ATP8B4: variants seen among roughly 807,000 people sequenced by gnomAD.
ATP8B4 encodes probable phospholipid-transporting ATPase IM.
ATP8B4 carries 133 observed loss-of-function variants against 145.6 expected under a neutral mutation model. The observed-to-expected ratio is 0.91, with a 90% CI of 0.79 to 1.05. The LOEUF is 1.05. Ranked by LOEUF, ATP8B4 falls within the 50% of genes least tolerant of loss-of-function variation. The probability of loss-of-function intolerance (pLI) is 0.00; values close to 1 mark genes in which losing one functional copy is unlikely to be tolerated. For synonymous variants in ATP8B4, 507 were observed against 492.9 expected, an observed-to-expected ratio of 1.03 and a Z score of -0.38; for missense variants, 1,458 against 1,425.2, an observed-to-expected ratio of 1.02 and a Z score of -0.37.
intron 2 of ATP8B4, among the ~76,000 whole-genome samples, chr15:50,076,680 C>CTG (rs2054199551): frequency 6.6e-6 from 1 of 152,068 alleles, no homozygotes; most frequent in Admixed American, 6.6e-5. Flanking sequence ...CCAGGAAGCC[C>CTG]ACTTTTGTTT....
chr15:49,939,569 G>T (rs2042002972), intron 14 of ATP8B4, among the ~76,000 whole-genome samples: 1 of 152,068 alleles, frequency 6.6e-6, no homozygotes, highest in South Asian at 2.1e-4. Flanking sequence ...TTGAAACCTT[G>T]AACAGACCAA....
At chr15:50,058,017 A>AGAG (rs1567280511) in intron 3 of ATP8B4, among the ~76,000 whole-genome samples, 5 of 152,024 alleles carry the variant, frequency 3.3e-5, no homozygotes, top group African/African-American at 1.2e-4. Flanking sequence ...GAGAGAGAGA[A>AGAG]AAAGACCTAG....
intron 16 of ATP8B4, among the ~76,000 whole-genome samples, chr15:49,928,142 A>G (rs974574220): frequency 3.3e-5 from 5 of 152,188 alleles, no homozygotes; most frequent in African/African-American, 1.2e-4. Context: ...ACTAAGGTAC[A>G]GCACTTGCCT....
intron 14 of ATP8B4, among the ~76,000 whole-genome samples, chr15:49,959,613 T>C (rs1278040467): frequency 6.6e-6 from 1 of 152,126 alleles, no homozygotes; most frequent in African/African-American, 2.4e-5. Context: ...GAAAATATAG[T>C]AAGACAGTGT....
chr15:49,958,931 C>G (rs1332547718), intron 14 of ATP8B4, among the ~76,000 whole-genome samples: 1 of 151,616 alleles, frequency 6.6e-6, no homozygotes, highest in Non-Finnish European at 1.5e-5. Context: ...ATAAACTGTC[C>G]CACAGAATAC....
intron 26 of ATP8B4, among the ~76,000 whole-genome samples, chr15:49,865,442 G>A (rs1334330980): frequency 6.6e-6 from 1 of 152,216 alleles, no homozygotes; most frequent in Non-Finnish European, 1.5e-5. Flanking sequence ...CCAGGGAGGG[G>A]GTTGGGGGGA....
chr15:50,142,711 A>G (rs8041124), intron 1 of ATP8B4, among the ~76,000 whole-genome samples: 35,204 of 152,092 alleles, frequency 0.23, 4,693 homozygotes, highest in East Asian at 0.42. Context: ...AATAAAAATC[A>G]TAGCATTTAC....
upstream of ATP8B4, among the ~76,000 whole-genome samples, chr15:50,121,680 A>G (rs1359346087): frequency 6.6e-6 from 1 of 152,114 alleles, no homozygotes; most frequent in Admixed American, 6.6e-5. Context: ...AAAACCTTTT[A>G]TTCCCATTAT....
intron 2 of ATP8B4, among the ~76,000 whole-genome samples, chr15:50,087,271 TATATA>T (rs2055247150): frequency 7.3e-6 from 1 of 136,484 alleles, no homozygotes; most frequent in Non-Finnish European, 1.5e-5. Context: ...ATATGTATTA[TATATA>T]ATAGAATAAT....
intron 1 of ATP8B4, among the ~76,000 whole-genome samples, chr15:50,168,157 G>T (rs980811664): frequency 6.6e-6 from 1 of 152,316 alleles, no homozygotes; most frequent in East Asian, 1.9e-4. Flanking sequence ...AAGTAGTAAA[G>T]AATTAACCAA....
At chr15:50,159,960 G>T (rs988510854) in intron 1 of ATP8B4, among the ~76,000 whole-genome samples, 1 of 145,808 alleles carries the variant, frequency 6.9e-6, no homozygotes, top group Non-Finnish European at 1.5e-5. Context: ...AGTTTGAGTC[G>T]GATTGATATT....
At chr15:50,084,944 A>G (rs888585455) in intron 2 of ATP8B4, among the ~76,000 whole-genome samples, 3 of 152,076 alleles carry the variant, frequency 2.0e-5, no homozygotes, top group African/African-American at 7.2e-5. Flanking sequence ...CACATCCACA[A>G]AGTTCCTTTT....
intron 6 of ATP8B4, among the ~76,000 whole-genome samples, chr15:50,022,427 C>T (rs558896991): frequency 3.9e-5 from 6 of 152,270 alleles, no homozygotes; most frequent in South Asian, 2.1e-4. Context: ...AGAAATGCTA[C>T]GTTAATCATC....
chr15:50,080,790 T>C (rs2054494397), intron 2 of ATP8B4, among the ~76,000 whole-genome samples: 1 of 152,050 alleles, frequency 6.6e-6, no homozygotes, highest in Non-Finnish European at 1.5e-5. Flanking sequence ...GGAAGATTTT[T>C]AGGACCCATA....
chr15:50,175,697 C>T (rs918751382), intron 1 of ATP8B4, among the ~76,000 whole-genome samples: 1 of 151,922 alleles, frequency 6.6e-6, no homozygotes, highest in African/African-American at 2.4e-5. Context: ...ATCAAAAAAC[C>T]GTAGATGTTG....
intron 1 of ATP8B4, among the ~76,000 whole-genome samples, chr15:50,174,642 T>C (rs1291548817): frequency 6.7e-6 from 1 of 149,444 alleles, no homozygotes; most frequent in Non-Finnish European, 1.5e-5. Flanking sequence ...AAAGAAATCA[T>C]AGATGACACA....
At chr15:50,034,273 C>T (rs1301501053) in intron 6 of ATP8B4, among the ~76,000 whole-genome samples, 12 of 148,962 alleles carry the variant, frequency 8.1e-5, no homozygotes, top group African/African-American at 1.2e-4. Context: ...TCTTGTCACC[C>T]AGGCTGGAGT....
At chr15:50,147,651 G>A (rs1369589797) in intron 1 of ATP8B4, among the ~76,000 whole-genome samples, 1 of 152,068 alleles carries the variant, frequency 6.6e-6, no homozygotes, top group Non-Finnish European at 1.5e-5. Context: ...ATCAGAACAT[G>A]CTCAAAAGCT....
chr15:49,870,495 T>G (rs1423310029), intron 25 of ATP8B4, among the ~76,000 whole-genome samples: 1 of 152,180 alleles, frequency 6.6e-6, no homozygotes, highest in African/African-American at 2.4e-5. Context: ...CTACTTAAAT[T>G]TGGCCTGTAG....
Sources: gnomAD v4.1 joint callset for allele counts (sites outside exome capture counted in the v4.1 genomes callset) on GRCh38, gnomAD v4.1.1 for gene constraint, MANE v1.5 for transcripts, NCBI Gene and HGNC (gene_info 2026-07-23, HGNC 2026-07-21) for gene names.